Variants in GUCY1A2 observed in about 807,000 individuals in gnomAD.
The protein encoded by GUCY1A2 is guanylate cyclase soluble subunit alpha-2.
A neutral mutation model predicts 63.5 loss-of-function variants in GUCY1A2; 27 were observed. That is an observed-to-expected ratio of 0.43 (90% CI 0.31 to 0.59). The LOEUF (loss-of-function observed/expected upper bound fraction) is 0.59, where lower values mean the gene tolerates loss of function less well. GUCY1A2 is among the 20% of genes least tolerant of loss of function. The probability of loss-of-function intolerance (pLI) is 0.11; values close to 1 mark genes in which losing one functional copy is unlikely to be tolerated. For missense variants in GUCY1A2, 768 were observed against 913.3 expected (o/e 0.84, Z 2.05); for synonymous variants, 364 against 343.5 (o/e 1.06, Z -0.66).
At chr11:106,710,447 C>T (rs886895565) in intron 6 of GUCY1A2, among the ~76,000 whole-genome samples, 6 of 141,006 alleles carry the variant, frequency 4.3e-5, no homozygotes, top group African/African-American at 1.3e-4. Context: ...GCTGAATATT[C>T]GACATTTAGT....
intron 4 of GUCY1A2, among the ~76,000 whole-genome samples, chr11:106,875,157 C>G (rs779741123): frequency 6.6e-6 from 1 of 152,086 alleles, no homozygotes; most frequent in Non-Finnish European, 1.5e-5. Flanking sequence ...GCTACTATAA[C>G]AGTATCATAT....
intron 7 of GUCY1A2, among the ~76,000 whole-genome samples, chr11:106,689,222 AAAC>A (rs902130776): frequency 6.6e-6 from 1 of 152,278 alleles, no homozygotes. Context: ...ATATTACCTA[AAAC>A]AATAGTTGGT....
intron 4 of GUCY1A2, among the ~76,000 whole-genome samples, chr11:106,816,218 C>T (rs1203636593): frequency 2.3e-5 from 3 of 130,930 alleles, no homozygotes; most frequent in African/African-American, 8.5e-5. Context: ...CATATACCGA[C>T]CAAATCCTAG....
At chr11:106,727,269 G>A (rs1863423958) in intron 6 of GUCY1A2, among the ~76,000 whole-genome samples, 1 of 152,182 alleles carries the variant, frequency 6.6e-6, no homozygotes, top group Non-Finnish European at 1.5e-5. Flanking sequence ...GTTGTGGTGA[G>A]CCAAGTCATC....
chr11:106,851,184 GTTTT>G (rs35831765), intron 4 of GUCY1A2, among the ~76,000 whole-genome samples: 8 of 149,914 alleles, frequency 5.3e-5, no homozygotes, highest in African/African-American at 2.0e-4. Context: ...TTTTAAATGG[GTTTT>G]TTTTTGTTTT....
intron 3 of GUCY1A2, among the ~76,000 whole-genome samples, chr11:106,956,530 G>T (rs528520449): frequency 1.3e-5 from 2 of 151,838 alleles, no homozygotes; most frequent in Admixed American, 1.3e-4. Context: ...TTCAATAATT[G>T]GTCCCTCTTC....
chr11:106,786,073 C>G (rs535627444), intron 5 of GUCY1A2, among the ~76,000 whole-genome samples: 1 of 152,260 alleles, frequency 6.6e-6, no homozygotes, highest in South Asian at 2.1e-4. Context: ...CACGTACACA[C>G]CACACATGCT....
intron 6 of GUCY1A2, among the ~76,000 whole-genome samples, chr11:106,733,600 A>G (rs1011353378): frequency 6.6e-6 from 1 of 152,206 alleles, no homozygotes; most frequent in African/African-American, 2.4e-5. Context: ...CACTTACTAG[A>G]CTGAAGATAC....
intron 2 of GUCY1A2, among the ~76,000 whole-genome samples, chr11:106,980,831 T>A (rs1861325175): frequency 6.6e-6 from 1 of 151,302 alleles, no homozygotes; most frequent in Non-Finnish European, 1.5e-5. Flanking sequence ...AATGCAGGAG[T>A]CACTCAAGAG....
chr11:106,959,615 G>A (rs992801219), intron 3 of GUCY1A2, among the ~76,000 whole-genome samples: 1 of 152,210 alleles, frequency 6.6e-6, no homozygotes, highest in Non-Finnish European at 1.5e-5. Context: ...CTCCGCAAGG[G>A]AAGCTGCTTT....
rs944162480 is a variant in GUCY1A2, at chr11:106,708,736, GC to G, written c.1837-71del. The G allele has an allele frequency of 1.3e-5, 12 of 930,618 alleles. No homozygotes were observed. In the Admixed American group the frequency reaches 2.7e-4, roughly 21 times the overall value. The allele number at this position is 930,618 out of a possible 1,614,324, so 57.6% of individuals were successfully genotyped here. A position where few individuals can be genotyped will look rare whatever the true frequency, so the allele number is the denominator to read the frequency against. On this transcript the variant is annotated intron_variant, in intron 6 of 7. Coordinates refer to ENST00000526355, the MANE Select transcript of GUCY1A2 (RefSeq NM_000855.3). Reference sequence around the variant, plus strand: ...TGGTATGCAATTATTTTAATGAAAGGCACTGCTAATTAATAATAATAATAAT... The same window carrying G: ...TGGTATGCAATTATTTTAATGAAAGGACTGCTAATTAATAATAATAATAAT...
rs549473769 is a variant in GUCY1A2, at chr11:106,942,089, A to G, written c.488-1911T>C. Among the ~76,000 whole-genome samples, 12 of 150,676 alleles carry G rather than the reference A, an allele frequency of 8.0e-5. No homozygotes were observed. In the East Asian group the frequency reaches 2.3e-3, roughly 29 times the overall value. On this transcript the variant is annotated intron_variant, in intron 3 of 7. Transcript: ENST00000526355. ...TTCTCTAGTGTAGAAGAGAAAACAA[A>G]GACAGACAATATTCACTGCCATTAG...
intron 4 of GUCY1A2, among the ~76,000 whole-genome samples, chr11:106,914,438 A>G (rs1860341206): frequency 6.6e-6 from 1 of 152,148 alleles, no homozygotes; most frequent in Non-Finnish European, 1.5e-5. Context: ...GCAGATGTTT[A>G]GTTACCTTAA....
intron 4 of GUCY1A2, among the ~76,000 whole-genome samples, chr11:106,864,291 G>T (rs113999897): frequency 1.3e-5 from 2 of 151,734 alleles, no homozygotes; most frequent in African/African-American, 4.8e-5. Context: ...AACTCGTATG[G>T]CAATTATTAT....
In GUCY1A2 at chr11:106,674,317, G is replaced by A. The variant is rs1296526661; in HGVS notation, c.*13232C>T. Reference sequence around the variant, plus strand: ...CAAATAAAAGAATGAGTAAAAAGTGGTGTTACATGAAAATCAAAGAAGATA... The same window carrying A: ...CAAATAAAAGAATGAGTAAAAAGTGATGTTACATGAAAATCAAAGAAGATA... On this transcript the variant is annotated 3_prime_UTR_variant, in exon 8 of 8. Transcript: ENST00000526355. The A allele has an allele frequency of 2.8e-5, 5 of 180,168 alleles. No homozygotes were observed. The East Asian group carries it at 4.6e-4, about 16-fold the overall frequency. 11.2% of individuals were successfully genotyped at this position (180,168 alleles called of 1,614,324 possible).
In GUCY1A2 at chr11:106,851,824, C is replaced by T. The variant is rs539149977; in HGVS notation, c.1207-41346G>A. On this transcript the variant is annotated intron_variant, in intron 4 of 7. Coordinates refer to ENST00000526355, the MANE Select transcript of GUCY1A2 (RefSeq NM_000855.3). ...TTGATCTTTTACTCAGTATTTCTTTCGCAATTAGGGTCTTTGTGGATCTCA... is the reference window on the plus strand; with the variant it reads ...TTGATCTTTTACTCAGTATTTCTTTTGCAATTAGGGTCTTTGTGGATCTCA... 9.0e-4 allele frequency among the ~76,000 whole-genome samples: 136 copies of T among 151,904 alleles called. 2 individuals carry two copies. The South Asian group carries it at 0.026, about 29-fold the overall frequency.
At chr11:106,821,099 T>C (rs1377019133) in intron 4 of GUCY1A2, among the ~76,000 whole-genome samples, 2 of 152,214 alleles carry the variant, frequency 1.3e-5, no homozygotes, top group Non-Finnish European at 2.9e-5. Flanking sequence ...GCCACTTTTC[T>C]TTTTAAATCA....
At chr11:106,693,851 A>G (rs1347263753) in intron 7 of GUCY1A2, among the ~76,000 whole-genome samples, 3 of 151,774 alleles carry the variant, frequency 2.0e-5, no homozygotes, top group Non-Finnish European at 4.4e-5. Context: ...TCATCTTTTT[A>G]TAGTTTTCTT....
intron 5 of GUCY1A2, among the ~76,000 whole-genome samples, chr11:106,805,249 T>C (rs1299697982): frequency 2.6e-3 from 4 of 1,542 alleles, no homozygotes; most frequent in African/African-American, 8.8e-3. Flanking sequence ...ATCACTAACA[T>C]TTTTTTTTTT....
Sources: gnomAD v4.1 joint callset for allele counts (sites outside exome capture counted in the v4.1 genomes callset) on GRCh38, gnomAD v4.1.1 for gene constraint, MANE v1.5 for transcripts, NCBI Gene and HGNC (gene_info 2026-07-23, HGNC 2026-07-21) for gene names.